FBXL17: variants seen among roughly 807,000 people sequenced by gnomAD.
FBXL17 encodes F-box and leucine rich repeat protein 17.
In FBXL17, 22 loss-of-function variants were observed where a neutral mutation model predicts 66.2. That is an observed-to-expected ratio of 0.33 (90% CI 0.24 to 0.47). The LOEUF (loss-of-function observed/expected upper bound fraction) is 0.47, where lower values mean the gene tolerates loss of function less well. FBXL17 is among the 20% of genes least tolerant of loss of function. The pLI is 1.00. For synonymous variants in FBXL17, 474 were observed against 400.5 expected, an observed-to-expected ratio of 1.18 and a Z score of -2.19; for missense variants, 878 against 948.2, an observed-to-expected ratio of 0.93 and a Z score of 0.97.
At chr5:107,948,167 AG>A (rs1208746742) in intron 7 of FBXL17, among the ~76,000 whole-genome samples, 1 of 152,186 alleles carries the variant, frequency 6.6e-6, no homozygotes, top group Non-Finnish European at 1.5e-5. Flanking sequence ...TAAGAATAAG[AG>A]GTAATAGAGA....
chr5:108,109,018 G>T (rs1294130460), intron 6 of FBXL17, among the ~76,000 whole-genome samples: 2 of 151,990 alleles, frequency 1.3e-5, no homozygotes, highest in Non-Finnish European at 2.9e-5. Flanking sequence ...CCTGACCTCA[G>T]GTGATCCGCC....
intron 4 of FBXL17, among the ~76,000 whole-genome samples, chr5:108,261,991 T>TG (rs1304474790): frequency 6.6e-6 from 1 of 151,072 alleles, no homozygotes; most frequent in African/African-American, 2.4e-5. Flanking sequence ...GATGGGGAGA[T>TG]GGGGGGGATG....
At position 107,879,228 on chromosome 5, in the gene FBXL17, G is replaced by A. The variant is rs1748703651; in HGVS notation, c.1965+1809C>T. ...TATGACAATTTCTGAGAATGGCTGC[G>A]GACACATATGTATGAATGTGTACAT... On this transcript the variant is annotated intron_variant, in intron 8 of 8. Coordinates refer to ENST00000542267, the MANE Select transcript of FBXL17 (RefSeq NM_001163315.3). 14 of 985,224 alleles carry A rather than the reference G, an allele frequency of 1.4e-5. 1 individual carries two copies. Among genetic ancestry groups the A allele is most frequent in the African/African-American group, 3.5e-5 (2 of 57,216 alleles). 61.0% of individuals were successfully genotyped at this position (985,224 alleles called of 1,614,324 possible).
intron 4 of FBXL17, among the ~76,000 whole-genome samples, chr5:108,294,763 G>C (rs1288282285): frequency 1.3e-5 from 2 of 151,692 alleles, no homozygotes; most frequent in African/African-American, 4.8e-5. Context: ...ATAAAAACAA[G>C]TTAAAAAAAC....
At chr5:108,227,753 T>C (rs1755159873) in intron 4 of FBXL17, among the ~76,000 whole-genome samples, 1 of 152,200 alleles carries the variant, frequency 6.6e-6, no homozygotes, top group Non-Finnish European at 1.5e-5. Context: ...TGCTTAAGCA[T>C]ATTAAGACTA....
chr5:108,156,435 G>T (rs1751999327), intron 6 of FBXL17, among the ~76,000 whole-genome samples: 1 of 151,820 alleles, frequency 6.6e-6, no homozygotes, highest in Non-Finnish European at 1.5e-5. Context: ...CAGTAATATG[G>T]GTTGTAACTA....
At chr5:107,974,912 C>G (rs1211997573) in intron 7 of FBXL17, among the ~76,000 whole-genome samples, 2 of 152,082 alleles carry the variant, frequency 1.3e-5, no homozygotes, top group African/African-American at 2.4e-5. Context: ...AGTTAGTGAA[C>G]TGACCTTGGA....
At chr5:108,104,483 G>A (rs1226432757) in intron 6 of FBXL17, among the ~76,000 whole-genome samples, 1 of 152,180 alleles carries the variant, frequency 6.6e-6, no homozygotes, top group Non-Finnish European at 1.5e-5. Context: ...GGCTCAAAAT[G>A]TCCAATTTAA....
chr5:107,866,152 A>T (rs1322602788), intron 8 of FBXL17, among the ~76,000 whole-genome samples: 1 of 152,092 alleles, frequency 6.6e-6, no homozygotes, highest in Non-Finnish European at 1.5e-5. Context: ...CCTCTTGCTG[A>T]AAACTATCAA....
chr5:107,987,738 T>C (rs553809738), intron 7 of FBXL17, among the ~76,000 whole-genome samples: 1 of 152,210 alleles, frequency 6.6e-6, no homozygotes, highest in South Asian at 2.1e-4. Context: ...GAATAGATGC[T>C]ATGAAACCCT....
intron 4 of FBXL17, among the ~76,000 whole-genome samples, chr5:108,258,561 T>C (rs1756675298): frequency 1.3e-5 from 2 of 152,086 alleles, no homozygotes; most frequent in Non-Finnish European, 2.9e-5. Context: ...AAATACAAAA[T>C]TTCTGTTTGT....
chr5:108,367,961 T>TA lies in FBXL17; in HGVS notation c.994-9dup. On this transcript the variant is annotated splice_polypyrimidine_tract_variant and intron_variant, in intron 1 of 8. Transcript: ENST00000542267. ...TGACAAATTGGAAAATATCTGTGAA[T>TA]AAAAAACGGTACCATATAATATGTG... The TA allele has an allele frequency of 1.3e-6, 2 of 1,548,756 alleles. No individual in the cohort carries two copies. Among genetic ancestry groups the TA allele is most frequent in the South Asian group, 1.2e-5 (1 of 83,750 alleles).
intron 7 of FBXL17, among the ~76,000 whole-genome samples, chr5:107,980,725 C>T (rs958317647): frequency 2.4e-4 from 33 of 136,584 alleles, no homozygotes; most frequent in African/African-American, 6.4e-4. Context: ...GGCGCGATCT[C>T]GGCTCACTGT....
intron 6 of FBXL17, among the ~76,000 whole-genome samples, chr5:108,153,571 G>C (rs1011027266): frequency 3.9e-5 from 6 of 152,156 alleles, no homozygotes; most frequent in African/African-American, 1.4e-4. Context: ...TTATTGTAGA[G>C]ACCAGCCTTC....
intron 5 of FBXL17, among the ~76,000 whole-genome samples, chr5:108,221,345 C>T (rs903204748): frequency 1.3e-5 from 2 of 152,110 alleles, no homozygotes; most frequent in African/African-American, 2.4e-5. Context: ...CTAAATTAGA[C>T]TTGATATTTC....
intron 7 of FBXL17, among the ~76,000 whole-genome samples, chr5:107,892,747 C>T (rs138945485): frequency 6.6e-6 from 1 of 152,256 alleles, no homozygotes; most frequent in African/African-American, 2.4e-5. Context: ...TTGTTTCTCC[C>T]TAACTGCAAC....
At chr5:108,225,765 C>A (rs1755074423) in intron 4 of FBXL17, among the ~76,000 whole-genome samples, 2 of 152,196 alleles carry the variant, frequency 1.3e-5, no homozygotes, top group Non-Finnish European at 2.9e-5. Flanking sequence ...CTCTCTTGAT[C>A]TCATAGTAAT....
chr5:108,141,708 C>T (rs975633687), intron 6 of FBXL17, among the ~76,000 whole-genome samples: 1 of 152,198 alleles, frequency 6.6e-6, no homozygotes, highest in African/African-American at 2.4e-5. Flanking sequence ...CTCTGTAAGA[C>T]CCACCTGAAC....
At chr5:108,345,675 C>T (rs1395558814) in intron 4 of FBXL17, among the ~76,000 whole-genome samples, 9 of 151,534 alleles carry the variant, frequency 5.9e-5, no homozygotes, top group Admixed American at 2.0e-4. Flanking sequence ...CAGAAACCAT[C>T]AGCAGAAACT....
Sources: allele counts gnomAD v4.1 joint callset (sites outside exome capture counted in the v4.1 genomes callset), GRCh38; gene constraint gnomAD v4.1.1; transcripts MANE v1.5; gene names NCBI Gene and HGNC (gene_info 2026-07-23, HGNC 2026-07-21).